The following ADAMTS6 variants were observed in gnomAD, a reference collection of about 807,000 sequenced individuals.
ADAMTS6 encodes ADAM metallopeptidase with thrombospondin type 1 motif 6.
ADAMTS6 carries 23 observed loss-of-function variants against 144.3 expected under a neutral mutation model. The ratio of observed to expected loss-of-function variants is 0.16; its 90% confidence interval spans 0.11 to 0.23. The LOEUF (loss-of-function observed/expected upper bound fraction) is 0.23. Among genes scored for constraint, ADAMTS6 ranks in the 10% least tolerant of loss-of-function variants. The pLI is 1.00. For synonymous variants in ADAMTS6, 444 were observed against 457.5 expected (o/e 0.97, Z 0.38); for missense variants, 999 against 1,379.6 (o/e 0.72, Z 4.37).
At chr5:65,330,245 T>C (rs1367578958) in intron 8 of ADAMTS6, among the ~76,000 whole-genome samples, 3 of 152,136 alleles carry the variant, frequency 2.0e-5, no homozygotes, top group Non-Finnish European at 2.9e-5. Context: ...GATTTTAGTA[T>C]GTAGAAGTTT....
intron 15 of ADAMTS6, among the ~76,000 whole-genome samples, chr5:65,238,920 C>T (rs572891346): frequency 3.9e-5 from 6 of 152,190 alleles, no homozygotes; most frequent in Middle Eastern, 3.4e-3. Context: ...GGTTTTTCTG[C>T]GGACATTAAC....
intron 7 of ADAMTS6, among the ~76,000 whole-genome samples, chr5:65,349,466 G>A (rs752836126): frequency 1.8e-4 from 28 of 152,030 alleles, no homozygotes; most frequent in African/African-American, 4.3e-4. Flanking sequence ...TAATCATTTC[G>A]CTTTTTTACT....
At chr5:65,268,188 G>A (rs551124114) in intron 12 of ADAMTS6, among the ~76,000 whole-genome samples, 32 of 152,182 alleles carry the variant, frequency 2.1e-4, no homozygotes, top group African/African-American at 7.0e-4. Flanking sequence ...AAGATATTAG[G>A]AATCAATGTC....
chr5:65,173,892 G>A (rs750773827), intron 22 of ADAMTS6, among the ~76,000 whole-genome samples: 11 of 152,042 alleles, frequency 7.2e-5, no homozygotes, highest in Non-Finnish European at 1.6e-4. Flanking sequence ...GTGTGGTGGT[G>A]TGTGTCTGTA....
intron 4 of ADAMTS6, among the ~76,000 whole-genome samples, chr5:65,458,329 T>G (rs1202389389): frequency 6.6e-6 from 1 of 152,136 alleles, no homozygotes; most frequent in Non-Finnish European, 1.5e-5. Context: ...GACTTAACAC[T>G]TAGGAAGAAA....
intron 7 of ADAMTS6, among the ~76,000 whole-genome samples, chr5:65,407,808 T>C (rs1348334357): frequency 6.6e-6 from 1 of 152,118 alleles, no homozygotes; most frequent in Non-Finnish European, 1.5e-5. Context: ...CGTATGTTTA[T>C]TGCGGCACTA....
chr5:65,275,403 GAAAGAAAGAAAGA>G (rs1431387684), intron 11 of ADAMTS6, among the ~76,000 whole-genome samples: 94 of 119,612 alleles, frequency 7.9e-4, no homozygotes, highest in African/African-American at 2.2e-3. Flanking sequence ...AAGAAAGAAA[GAAAGAAAGAAAGA>G]AAAGAAAGAA....
intron 24 of ADAMTS6, among the ~76,000 whole-genome samples, chr5:65,159,181 C>T (rs1752604009): frequency 6.6e-6 from 1 of 152,140 alleles, no homozygotes; most frequent in Non-Finnish European, 1.5e-5. Context: ...TCCTTTTAAT[C>T]CCTACAATAT....
In ADAMTS6 at chr5:65,213,230, A is replaced by C. The variant is rs116564409; in HGVS notation, c.2575+1564T>G. On this transcript the variant is annotated intron_variant, in intron 20 of 24. Coordinates refer to ENST00000381055, the MANE Select transcript of ADAMTS6 (RefSeq NM_197941.4). ...ATAACCATGTTTCATGATACTTTAC[A>C]CAGTAGAGTACATTAATATATTATT... Among the ~76,000 whole-genome samples, 435 of 149,030 alleles carry C rather than the reference A, an allele frequency of 2.9e-3. 2 individuals are homozygous for C. Among genetic ancestry groups the C allele is most frequent in the African/African-American group, 0.01 (411 of 39,820 alleles).
At chr5:65,320,847 A>G (rs1393926356) in intron 9 of ADAMTS6, among the ~76,000 whole-genome samples, 1 of 152,196 alleles carries the variant, frequency 6.6e-6, no homozygotes, top group African/African-American at 2.4e-5. Context: ...AATGGCCTCC[A>G]GGTCCATCCA....
Position 65,304,787 on chromosome 5 carries a change from T to TAAA in ADAMTS6, c.1224-4657_1224-4656insTTT, listed in dbSNP as rs377213873. On this transcript the variant is annotated intron_variant, in intron 9 of 24. Transcript: ENST00000381055. ...AAATTAAGAAAGGGAACAAGATCTT[T>TAAA]AGCACTACACCACATAAGTAAACAA... Among the ~76,000 whole-genome samples the TAAA allele has an allele frequency of 2.0e-3, 306 of 152,156 alleles. 1 individual carries two copies. The highest frequency in any genetic ancestry group is 7.2e-3 in the African/African-American group (301 of 41,522).
At chr5:65,448,358 T>C (rs1191926800) in intron 7 of ADAMTS6, among the ~76,000 whole-genome samples, 2 of 152,154 alleles carry the variant, frequency 1.3e-5, no homozygotes, top group African/African-American at 4.8e-5. Flanking sequence ...TAACTATTGT[T>C]ACTTAAGTAA....
At chr5:65,406,623 A>C (rs1051454260) in intron 7 of ADAMTS6, among the ~76,000 whole-genome samples, 5 of 151,840 alleles carry the variant, frequency 3.3e-5, no homozygotes, top group African/African-American at 1.2e-4. Context: ...TTTGTTGTGT[A>C]TTTGCCAGGC....
chr5:65,458,195 G>C (rs111730751), intron 4 of ADAMTS6, among the ~76,000 whole-genome samples: 3,980 of 152,166 alleles, frequency 0.026, 199 homozygotes, highest in African/African-American at 0.091. Flanking sequence ...GTTTTAAGTA[G>C]ATTCACTGTA....
intron 4 of ADAMTS6, among the ~76,000 whole-genome samples, chr5:65,459,503 ACTGT>A (rs952218261): frequency 1.1e-4 from 16 of 152,246 alleles, no homozygotes; most frequent in African/African-American, 3.6e-4. Flanking sequence ...AGTTACATGA[ACTGT>A]CTGTCAATTT....
intron 24 of ADAMTS6, among the ~76,000 whole-genome samples, chr5:65,160,467 C>G (rs1454180760): frequency 6.6e-6 from 1 of 151,854 alleles, no homozygotes; most frequent in Admixed American, 6.6e-5. Context: ...CCACCACGCC[C>G]GGCTAATTTT....
At chr5:65,152,013 G>A in intron 24 of ADAMTS6, 68 bp from the exon 25 acceptor site, 1 of 1,353,926 alleles carries the variant, frequency 7.4e-7, no homozygotes, top group Non-Finnish European at 1.0e-6. Flanking sequence ...ACAAGCCGAT[G>A]GGCCTGCATG....
At chr5:65,325,568 T>G (rs1489553637) in intron 9 of ADAMTS6, among the ~76,000 whole-genome samples, 1 of 151,774 alleles carries the variant, frequency 6.6e-6, no homozygotes, top group East Asian at 1.9e-4. Context: ...CGATCATGGT[T>G]CACTACAGCC....
chr5:65,257,544 T>C (rs1483483786), intron 14 of ADAMTS6, among the ~76,000 whole-genome samples: 5 of 152,180 alleles, frequency 3.3e-5, no homozygotes, highest in Admixed American at 2.6e-4. Flanking sequence ...TTCTTACCAA[T>C]ATCCTTACGT....
Sources: allele counts gnomAD v4.1 joint callset (sites outside exome capture counted in the v4.1 genomes callset), GRCh38; gene constraint gnomAD v4.1.1; transcripts MANE v1.5; gene names NCBI Gene and HGNC (gene_info 2026-07-23, HGNC 2026-07-21).